ATP8A2: variants seen among roughly 807,000 people sequenced by gnomAD.
The protein encoded by ATP8A2 is phospholipid-transporting ATPase IB.
A neutral mutation model predicts 165.6 loss-of-function variants in ATP8A2; 100 were observed. That is an observed-to-expected ratio of 0.60 (90% CI 0.51 to 0.71). ATP8A2 has a LOEUF of 0.71. Ranked by LOEUF, ATP8A2 falls within the 30% of genes least tolerant of loss-of-function variation. ATP8A2 has a pLI of 0.00. For synonymous variants in ATP8A2, 543 were observed against 548.8 expected (o/e 0.99, Z 0.15); for missense variants, 1,227 against 1,479.5 (o/e 0.83, Z 2.80).
intron 25 of ATP8A2, among the ~76,000 whole-genome samples, chr13:25,713,231 C>G (rs998866858): frequency 2.0e-5 from 3 of 152,212 alleles, no homozygotes; most frequent in African/African-American, 7.2e-5. Context: ...CTATTTCTAA[C>G]TTGAAAGGCA....
chr13:25,989,504 A>G (rs903741530), intron 35 of ATP8A2, among the ~76,000 whole-genome samples: 1 of 152,216 alleles, frequency 6.6e-6, no homozygotes, highest in East Asian at 1.9e-4. Flanking sequence ...ATGTCTTGAC[A>G]TCTTAGGTGC....
intron 15 of ATP8A2, 36 bp downstream of exon 15, chr13:25,559,801 G>A (rs778399517): frequency 5.4e-6 from 8 of 1,491,510 alleles, no homozygotes; most frequent in Non-Finnish European, 6.5e-6. Context: ...CACTTTAGTG[G>A]AAAAGCTTTT....
At chr13:25,766,977 G>A (rs1305291947) in intron 25 of ATP8A2, among the ~76,000 whole-genome samples, 1 of 152,222 alleles carries the variant, frequency 6.6e-6, no homozygotes, top group African/African-American at 2.4e-5. Flanking sequence ...CTCATGAAAA[G>A]CAGGGGCTCA....
intron 25 of ATP8A2, among the ~76,000 whole-genome samples, chr13:25,762,689 G>T (rs1007192530): frequency 2.0e-5 from 3 of 152,158 alleles, no homozygotes; most frequent in Non-Finnish European, 4.4e-5. Flanking sequence ...TTGAATGTCT[G>T]CTGTACAAAT....
Position 25,393,418 on chromosome 13 carries a change from T to G in ATP8A2, c.76+21130T>G, listed in dbSNP as rs113076590. Among the ~76,000 whole-genome samples, 93 of 151,998 alleles carry G rather than the reference T, an allele frequency of 6.1e-4. 1 individual carries two copies. The highest frequency in any genetic ancestry group is 2.0e-3 in the African/African-American group (85 of 41,468). On this transcript the variant is annotated intron_variant, in intron 1 of 36. Transcript: ENST00000381655. ...TCACCCAACCTATTTACATACTTTT[T>G]TTATTGTTGTTTTTTGAGACAGGGT...
chr13:25,732,548 T>A (rs1391059315), intron 25 of ATP8A2, among the ~76,000 whole-genome samples: 3 of 152,238 alleles, frequency 2.0e-5, no homozygotes, highest in Non-Finnish European at 2.9e-5. Context: ...GAATATTAAC[T>A]GATGAAGTGA....
chr13:25,446,042 C>G (rs981975132), intron 1 of ATP8A2, among the ~76,000 whole-genome samples: 2 of 152,094 alleles, frequency 1.3e-5, no homozygotes, highest in African/African-American at 2.4e-5. Flanking sequence ...CTGAGAGAAA[C>G]AGAGAGACAG....
chr13:25,880,772 A>C (rs1361618051), intron 33 of ATP8A2: 1 of 389,390 alleles, frequency 2.6e-6, no homozygotes, highest in African/African-American at 2.1e-5. Context: ...ATTCAGCATA[A>C]GTTAATCTTT....
At chr13:25,880,376 A>C (rs976978990) in intron 33 of ATP8A2, among the ~76,000 whole-genome samples, 6 of 141,886 alleles carry the variant, frequency 4.2e-5, no homozygotes, top group African/African-American at 1.6e-4. Context: ...GTCAGGAACA[A>C]CAAAAAAAAA....
At position 25,862,409 on chromosome 13, in the gene ATP8A2, G is replaced by A. The variant is rs1952385477; in HGVS notation, c.3183+1G>A. On this transcript the variant is annotated splice_donor_variant, in intron 33 of 36. Coordinates refer to ENST00000381655, the MANE Select transcript of ATP8A2 (RefSeq NM_016529.6). LOFTEE classifies it high-confidence loss of function. ...CATTGCTCCAGATATGAGAGGACAG[G>A]TAAGTACTCCTGATTGGGAGTGTGT... 1 of 1,608,440 alleles carries A rather than the reference G, an allele frequency of 6.2e-7. No individual in the cohort carries two copies. Among genetic ancestry groups the A allele is most frequent in the Non-Finnish European group, 8.5e-7 (1 of 1,174,928 alleles).
At chr13:25,525,062 G>A (rs1383127492) in intron 2 of ATP8A2, among the ~76,000 whole-genome samples, 1 of 151,262 alleles carries the variant, frequency 6.6e-6, no homozygotes, top group Non-Finnish European at 1.5e-5. Flanking sequence ...ATAGGTTTTT[G>A]CACTGTGGTC....
chr13:25,552,998 A>T (rs909446217), intron 11 of ATP8A2, among the ~76,000 whole-genome samples: 1 of 151,958 alleles, frequency 6.6e-6, no homozygotes, highest in East Asian at 1.9e-4. Context: ...TCTCCCTCCA[A>T]TCCCAGCCTT....
chr13:25,946,305 C>G (rs1316369729), intron 33 of ATP8A2, among the ~76,000 whole-genome samples: 1 of 152,136 alleles, frequency 6.6e-6, no homozygotes, highest in African/African-American at 2.4e-5. Flanking sequence ...GAGTCTCTCT[C>G]ATACATCTCA....
In ATP8A2 at chr13:25,870,648, G is replaced by A. The variant is rs186575617; in HGVS notation, c.3183+8240G>A. On this transcript the variant is annotated intron_variant, in intron 33 of 36. Coordinates refer to ENST00000381655, the MANE Select transcript of ATP8A2 (RefSeq NM_016529.6). ...AAGGATCAGTCTCTTGACCAGGCAGGGAGTAGAGTGGCTGGGATTCTTCTG... is the reference window on the plus strand; with the variant it reads ...AAGGATCAGTCTCTTGACCAGGCAGAGAGTAGAGTGGCTGGGATTCTTCTG... Among the ~76,000 whole-genome samples, 6 of 152,320 alleles carry A rather than the reference G, an allele frequency of 3.9e-5. No homozygotes were observed. The East Asian group carries it at 1.2e-3, about 29-fold the overall frequency.
At chr13:25,424,575 T>G (rs1189881982) in intron 1 of ATP8A2, among the ~76,000 whole-genome samples, 1 of 152,188 alleles carries the variant, frequency 6.6e-6, no homozygotes, top group Non-Finnish European at 1.5e-5. Flanking sequence ...GTAAAACACA[T>G]TAAAATATTT....
At chr13:25,571,518 A>G (rs2039467366) in intron 17 of ATP8A2, 92 bp from the exon 18 acceptor site, 1 of 889,916 alleles carries the variant, frequency 1.1e-6, no homozygotes, top group Admixed American at 1.9e-5. Flanking sequence ...CTCCTTCAGT[A>G]GAGCGGATTT....
intron 24 of ATP8A2, among the ~76,000 whole-genome samples, chr13:25,663,927 G>A (rs1304326860): frequency 2.6e-5 from 4 of 152,096 alleles, no homozygotes; most frequent in Non-Finnish European, 4.4e-5. Flanking sequence ...GAAATTAGAC[G>A]GCCAGGCATG....
chr13:25,456,371 A>G (rs1291694048), intron 1 of ATP8A2, among the ~76,000 whole-genome samples: 3 of 152,202 alleles, frequency 2.0e-5, no homozygotes, highest in Non-Finnish European at 4.4e-5. Flanking sequence ...GTTAACTGGG[A>G]AGGCAGACAC....
chr13:25,931,730 A>G (rs1175402697), intron 33 of ATP8A2, among the ~76,000 whole-genome samples: 2 of 152,122 alleles, frequency 1.3e-5, no homozygotes, highest in East Asian at 3.9e-4. Context: ...CCTTCATCAG[A>G]GTGTGAAGTG....
Sources: allele counts gnomAD v4.1 joint callset (sites outside exome capture counted in the v4.1 genomes callset), GRCh38; gene constraint gnomAD v4.1.1; transcripts MANE v1.5; gene names NCBI Gene and HGNC (gene_info 2026-07-23, HGNC 2026-07-21).